PRLR: variants seen among roughly 807,000 people sequenced by gnomAD.
PRLR encodes prolactin receptor.
A neutral mutation model predicts 40.2 loss-of-function variants in PRLR; 13 were observed. The ratio of observed to expected loss-of-function variants is 0.32; its 90% CI spans 0.21 to 0.51. PRLR has a LOEUF of 0.51. Among genes scored for constraint, PRLR ranks in the 20% least tolerant of loss-of-function variants. The pLI is 0.97. For missense variants in PRLR, 656 were observed against 747.3 expected (o/e 0.88, Z 1.42); for synonymous variants, 269 against 278.7 (o/e 0.97, Z 0.35).
chr5:35,227,371 T>C (rs1412362637), intron 1 of PRLR, among the ~76,000 whole-genome samples: 1 of 152,198 alleles, frequency 6.6e-6, no homozygotes, highest in Admixed American at 6.5e-5. Flanking sequence ...ATCCTGGTTC[T>C]GCCTTTCCTG....
At chr5:35,200,326 C>A (rs1775845563) in intron 1 of PRLR, among the ~76,000 whole-genome samples, 1 of 152,202 alleles carries the variant, frequency 6.6e-6, no homozygotes, top group Non-Finnish European at 1.5e-5. Context: ...CATGCTGCCC[C>A]AGAACCTGTC....
chr5:35,102,163 T>G (rs1771925628), intron 2 of PRLR, among the ~76,000 whole-genome samples: 1 of 152,078 alleles, frequency 6.6e-6, no homozygotes, highest in South Asian at 2.1e-4. Flanking sequence ...CTTCTAAAAA[T>G]GAGGCGCTTC....
intron 1 of PRLR, among the ~76,000 whole-genome samples, chr5:35,204,817 T>C (rs1170145871): frequency 6.6e-6 from 1 of 152,168 alleles, no homozygotes; most frequent in Non-Finnish European, 1.5e-5. Flanking sequence ...AGGCACCTGA[T>C]ACAACATGGG....
rs564321615 is a variant in PRLR at position 35,057,353 on chromosome 5, G to A, written c.*7736C>T. 6.6e-6 allele frequency: 1 copy of A among 152,266 alleles called. No homozygotes were observed. The highest frequency in any genetic ancestry group is 2.4e-5 in the African/African-American group (1 of 41,564). 9.4% of individuals were successfully genotyped at this position (152,266 alleles called of 1,614,324 possible). A position where few individuals can be genotyped will look rare whatever the true frequency, so the allele number is the denominator to read the frequency against. On this transcript the variant is annotated 3_prime_UTR_variant, in exon 10 of 10. Coordinates refer to ENST00000618457, the MANE Select transcript of PRLR (RefSeq NM_000949.7). The stretch of plus-strand genomic sequence containing the variant: ...ATGTCCAAAAAATTGCTTCAGCCAT[G>A]AATGTGTTATTTTGCTCATCTCCAT...
downstream of PRLR, among the ~76,000 whole-genome samples, chr5:35,054,921 G>A (rs1768642506): frequency 6.6e-6 from 1 of 152,136 alleles, no homozygotes; most frequent in Admixed American, 6.5e-5. Flanking sequence ...GAAGAGAGAG[G>A]TAGAGAATTT....
chr5:35,180,047 A>T (rs747127725), intron 1 of PRLR, among the ~76,000 whole-genome samples: 2 of 152,090 alleles, frequency 1.3e-5, no homozygotes, highest in Admixed American at 1.3e-4. Context: ...GAGTGACGGG[A>T]GACAATGACC....
intron 1 of PRLR, among the ~76,000 whole-genome samples, chr5:35,211,987 T>A (rs566128214): frequency 6.6e-6 from 1 of 152,056 alleles, no homozygotes; most frequent in Non-Finnish European, 1.5e-5. Context: ...AAGAGCAGAG[T>A]TGAGGAATTG....
At chr5:35,051,325 G>A (rs1302408616), downstream of PRLR, among the ~76,000 whole-genome samples, 1 of 152,158 alleles carries the variant, frequency 6.6e-6, no homozygotes, top group African/African-American at 2.4e-5. Context: ...AATTTATGTG[G>A]GGAAGATTTG....
In PRLR at chr5:35,064,954, G is replaced by C; in HGVS notation, c.*135C>G. 1 of 965,076 alleles carries C rather than the reference G, an allele frequency of 1.0e-6. No homozygotes were observed. 59.8% of individuals were successfully genotyped at this position (965,076 alleles called of 1,614,324 possible). On this transcript the variant is annotated 3_prime_UTR_variant, in exon 10 of 10. Coordinates refer to ENST00000618457, the MANE Select transcript of PRLR (RefSeq NM_000949.7). ...CAGCTGCTGGAGAAAGAGGCAAGTG[G>C]TTAAAAATGGAGCATGAAAGGAGCT...
intron 2 of PRLR, among the ~76,000 whole-genome samples, chr5:35,105,400 T>C (rs759069391): frequency 3.3e-5 from 5 of 152,182 alleles, no homozygotes; most frequent in Non-Finnish European, 5.9e-5. Context: ...AGAAGTAGGC[T>C]TCAGATGATT....
chr5:35,212,944 A>G (rs111818044), intron 1 of PRLR, among the ~76,000 whole-genome samples: 29 of 152,294 alleles, frequency 1.9e-4, no homozygotes, highest in African/African-American at 3.6e-4. Context: ...CCTACTCCCA[A>G]TGAATGCTTG....
At chr5:35,167,790 G>T (rs1423263199) in intron 1 of PRLR, among the ~76,000 whole-genome samples, 2 of 151,874 alleles carry the variant, frequency 1.3e-5, no homozygotes, top group African/African-American at 4.8e-5. Flanking sequence ...TACAACAGAG[G>T]CCTAATTAAT....
intron 2 of PRLR, among the ~76,000 whole-genome samples, chr5:35,111,897 A>T (rs903924998): frequency 3.3e-5 from 5 of 152,224 alleles, no homozygotes; most frequent in Admixed American, 3.3e-4. Flanking sequence ...TACTTTTGTA[A>T]TAAAATAAAA....
chr5:35,184,307 A>T (rs933139724), intron 1 of PRLR, among the ~76,000 whole-genome samples: 1 of 152,134 alleles, frequency 6.6e-6, no homozygotes, highest in Non-Finnish European at 1.5e-5. Flanking sequence ...TGAGCTCAGG[A>T]GTTTGAGACC....
At position 35,132,250 on chromosome 5, in the gene PRLR, T is replaced by C. The variant is rs114650012; in HGVS notation, c.-105-14128A>G. Among the ~76,000 whole-genome samples, 1,219 of 152,310 alleles carry C rather than the reference T, an allele frequency of 8.0e-3. 18 individuals are homozygous for C. The highest frequency in any genetic ancestry group is 0.028 in the African/African-American group (1,161 of 41,556). ...TCTTTAGGAAAAGCATTTTGTGGTC[T>C]CTAAAGTCTCTAGTCTCTTGGTTCT... On this transcript the variant is annotated intron_variant, in intron 1 of 9. Transcript: ENST00000618457.
At chr5:35,078,831 C>A (rs1056677015) in intron 5 of PRLR, among the ~76,000 whole-genome samples, 7 of 152,200 alleles carry the variant, frequency 4.6e-5, no homozygotes, top group African/African-American at 1.4e-4. Context: ...CAAACCGAAT[C>A]CAGCAGCAAA....
chr5:35,175,795 T>C (rs1319499720), intron 1 of PRLR, among the ~76,000 whole-genome samples: 3 of 152,156 alleles, frequency 2.0e-5, no homozygotes, highest in African/African-American at 7.2e-5. Flanking sequence ...GAATACACTT[T>C]CTCTAGCAAC....
chr5:35,118,201 A>G, intron 1 of PRLR, 79 bp from the exon 2 acceptor site: 1 of 719,974 alleles, frequency 1.4e-6, no homozygotes, highest in Non-Finnish European at 1.7e-6. Flanking sequence ...TGCAGTACGT[A>G]GCATGGCTGA....
At chr5:35,070,697 G>T (rs1769691539) in intron 6 of PRLR, among the ~76,000 whole-genome samples, 1 of 151,818 alleles carries the variant, frequency 6.6e-6, no homozygotes, top group South Asian at 2.1e-4. Flanking sequence ...TACAAAATTA[G>T]CCAGGCATGG....
Sources: gnomAD v4.1 joint callset for allele counts (sites outside exome capture counted in the v4.1 genomes callset) on GRCh38, gnomAD v4.1.1 for gene constraint, MANE v1.5 for transcripts, NCBI Gene and HGNC (gene_info 2026-07-23, HGNC 2026-07-21) for gene names.